The following EIF2B3 variants were observed in gnomAD, a reference collection of about 807,000 sequenced individuals.
EIF2B3 encodes translation initiation factor eIF2B subunit gamma.
A neutral mutation model predicts 54.1 loss-of-function variants in EIF2B3; 20 were observed. That is an observed-to-expected ratio of 0.37 (90% CI 0.26 to 0.54). The LOEUF is 0.54. Ranked by LOEUF, EIF2B3 falls within the 20% of genes least tolerant of loss-of-function variation. The pLI is 0.86. For synonymous variants in EIF2B3, 153 were observed against 188.1 expected, an observed-to-expected ratio of 0.81 and a Z score of 1.52; for missense variants, 448 against 547.8, an observed-to-expected ratio of 0.82 and a Z score of 1.82.
chr1:44,916,437 A>ATATTGGTG (rs1480350456), intron 5 of EIF2B3, among the ~76,000 whole-genome samples: 2 of 150,870 alleles, frequency 1.3e-5, no homozygotes, highest in Non-Finnish European at 3.0e-5. Context: ...CATATTGCCC[A>ATATTGGTG]GGCTGATCTC....
intron 3 of EIF2B3, among the ~76,000 whole-genome samples, chr1:44,964,381 T>C (rs1644315939): frequency 6.6e-6 from 1 of 152,158 alleles, no homozygotes; most frequent in Non-Finnish European, 1.5e-5. Context: ...TTCAAGATGA[T>C]AGAAATCTGA....
intron 6 of EIF2B3, among the ~76,000 whole-genome samples, chr1:44,896,309 T>C (rs1223702099): frequency 1.3e-5 from 2 of 152,188 alleles, no homozygotes; most frequent in Non-Finnish European, 2.9e-5. Context: ...TTTCTAAAAG[T>C]CCAAATGATT....
In EIF2B3 at chr1:44,881,138, G is replaced by C. The variant is rs1655386295; in HGVS notation, c.784+474C>G. Among the ~76,000 whole-genome samples the C allele has an allele frequency of 6.6e-6, 1 of 152,172 alleles. No individual in the cohort carries two copies. Among genetic ancestry groups the C allele is most frequent in the South Asian group, 2.1e-4 (1 of 4,824 alleles). ...GAGTCCACGACTGGGCCGGGGATTA[G>C]GGATATGACAGCAAACAAGACAGAT... On this transcript the variant is annotated intron_variant, in intron 7 of 11. Transcript: ENST00000360403. The surrounding 1 kb of genome is among the most constrained non-coding windows in gnomAD (Gnocchi z 4.0).
chr1:44,917,755 CTTTTTTTTTTTTTTTTTTTTTTTTT>C (rs869139321), intron 5 of EIF2B3, among the ~76,000 whole-genome samples: 4 of 44,240 alleles, frequency 9.0e-5, no homozygotes, highest in African/African-American at 1.3e-4. Flanking sequence ...CAATAACACT[CTTTTTTTTTTTTTTTTTTTTTTTTT>C]TTTTTTTTTT....
chr1:44,953,726 G>A (rs528670080), intron 3 of EIF2B3, among the ~76,000 whole-genome samples: 4 of 152,308 alleles, frequency 2.6e-5, no homozygotes, highest in South Asian at 2.1e-4. Context: ...CCAGGAGGTC[G>A]AGGCTACAGT....
intron 5 of EIF2B3, among the ~76,000 whole-genome samples, chr1:44,920,537 C>A (rs1331206570): frequency 6.6e-6 from 1 of 152,168 alleles, no homozygotes; most frequent in African/African-American, 2.4e-5. Context: ...ACCACCCCCA[C>A]ACTCTCTACC....
intron 11 of EIF2B3, among the ~76,000 whole-genome samples, chr1:44,851,683 G>C (rs1234589560): frequency 6.6e-6 from 1 of 152,140 alleles, no homozygotes; most frequent in Non-Finnish European, 1.5e-5. Flanking sequence ...TAGGAAATGA[G>C]GGGATAAGGG....
chr1:44,920,040 T>G (rs1210102135), intron 5 of EIF2B3, among the ~76,000 whole-genome samples: 3 of 104,014 alleles, frequency 2.9e-5, no homozygotes, highest in Non-Finnish European at 6.7e-5. Flanking sequence ...TTTTCTTTCT[T>G]TTTTTTTTTT....
chr1:44,971,353 G>A (rs1274886513), intron 3 of EIF2B3, among the ~76,000 whole-genome samples: 1 of 144,880 alleles, frequency 6.9e-6, no homozygotes, highest in South Asian at 2.2e-4. Flanking sequence ...CTGGGCTACA[G>A]AGCGAGACTC....
chr1:44,881,700 T>C lies in EIF2B3; in HGVS notation c.696A>G (p.Leu232=). The C allele has an allele frequency of 6.2e-7, 1 of 1,614,174 alleles. No homozygotes were observed. The highest frequency in any genetic ancestry group is 8.5e-7 in the Non-Finnish European group (1 of 1,180,014). Reference sequence around the variant, plus strand: ...AAGCTGAGGAAAACTGTTTTCTCACTAAATATGGAATCAGTTCACTCCGGA... The same window carrying C: ...AAGCTGAGGAAAACTGTTTTCTCACCAAATATGGAATCAGTTCACTCCGGA... The part of the protein sequence containing the change: ...TSIRSELIPY[L]VRKQFSSASS... The change falls in exon 7 of 12, where the codon TTA becomes TTG. Residue 232 remains leucine (L), a synonymous_variant. Coordinates refer to ENST00000360403, the MANE Select transcript of EIF2B3 (RefSeq NM_020365.5). The surrounding 1 kb of genome is among the most constrained non-coding windows in gnomAD (Gnocchi z 4.0).
intron 4 of EIF2B3, among the ~76,000 whole-genome samples, chr1:44,928,474 GTTAC>G (rs1024981117): frequency 5.5e-4 from 82 of 148,646 alleles, no homozygotes; most frequent in Middle Eastern, 7.1e-3. Flanking sequence ...ATTAAGTAAA[GTTAC>G]TTTATTTATT....
rs999187954 is a variant in EIF2B3, at chr1:44,850,617, T to G, written c.*334A>C. On this transcript the variant is annotated 3_prime_UTR_variant, in exon 12 of 12. Coordinates refer to ENST00000360403, the MANE Select transcript of EIF2B3 (RefSeq NM_020365.5). ...TTTAGGTGAGGGATACTTTCAGGAC[T>G]GGGTTGGGTCAGCCAGTCAGAAAGT... is the stretch of plus-strand genomic sequence containing the variant. The G allele has an allele frequency of 5.1e-6, 2 of 395,552 alleles. No homozygotes were observed. The highest frequency in any genetic ancestry group is 5.3e-5 in the East Asian group (1 of 18,940). 24.5% of individuals were successfully genotyped at this position (395,552 alleles called of 1,614,324 possible). A position where few individuals can be genotyped will look rare whatever the true frequency, so the allele number is the denominator to read the frequency against.
intron 3 of EIF2B3, among the ~76,000 whole-genome samples, chr1:44,972,897 T>C (rs1176448980): frequency 6.6e-6 from 1 of 152,024 alleles, no homozygotes; most frequent in African/African-American, 2.4e-5. Context: ...AAAAGTTAGC[T>C]GGGTGTGGCA....
At chr1:44,929,980 T>C (rs1322898862) in intron 4 of EIF2B3, among the ~76,000 whole-genome samples, 1 of 152,236 alleles carries the variant, frequency 6.6e-6, no homozygotes, top group Non-Finnish European at 1.5e-5. Context: ...AGCAGGTAAT[T>C]GTAGAATGTC....
chr1:44,918,450 C>T (rs1015262391), intron 5 of EIF2B3, among the ~76,000 whole-genome samples: 3 of 149,248 alleles, frequency 2.0e-5, no homozygotes, highest in South Asian at 2.1e-4. Context: ...AGTGCAATGG[C>T]GCCAGCTTGG....
chr1:44,883,564 C>CA (rs1464621626), intron 6 of EIF2B3, among the ~76,000 whole-genome samples: 1 of 152,192 alleles, frequency 6.6e-6, no homozygotes, highest in African/African-American at 2.4e-5. Flanking sequence ...CTGGTTTCCA[C>CA]ACCCCTATGA....
chr1:44,897,285 T>C, intron 6 of EIF2B3, 70 bp downstream of exon 6: 2 of 1,160,190 alleles, frequency 1.7e-6, no homozygotes, highest in Non-Finnish European at 2.6e-6. Context: ...TATGAAGGTT[T>C]AAAATTTAAG....
At chr1:44,861,361 T>C (rs1654604969) in intron 10 of EIF2B3, among the ~76,000 whole-genome samples, 1 of 152,154 alleles carries the variant, frequency 6.6e-6, no homozygotes. Flanking sequence ...AAGTCTTATT[T>C]CTTTTTCCAA....
chr1:44,979,542 C>T (rs1644491274), intron 2 of EIF2B3, among the ~76,000 whole-genome samples: 1 of 146,316 alleles, frequency 6.8e-6, no homozygotes, highest in Admixed American at 6.9e-5. Flanking sequence ...CATGTAGTTG[C>T]AGCTACTCAG....
Sources: gnomAD v4.1 joint callset for allele counts (sites outside exome capture counted in the v4.1 genomes callset) on GRCh38, gnomAD v4.1.1 for gene constraint, Gnocchi (gnomAD v3.1) non-coding constraint, MANE v1.5 for transcripts, NCBI Gene and HGNC (gene_info 2026-07-23, HGNC 2026-07-21) for gene names.